CDH13: variants seen among roughly 807,000 people sequenced by gnomAD.
CDH13 encodes the protein cadherin-13.
Under a neutral mutation model 63.8 loss-of-function variants are expected in CDH13, and 24 were observed. The observed-to-expected ratio is 0.38, with a 90% CI of 0.27 to 0.53. CDH13 has a LOEUF of 0.53. Ranked by LOEUF, CDH13 falls within the 20% of genes least tolerant of loss-of-function variation. The pLI is 0.85. For synonymous variants in CDH13, 503 were observed against 355.3 expected (o/e 1.42, Z -4.67); for missense variants, 1,049 against 903.1 (o/e 1.16, Z -2.07).
intron 6 of CDH13, among the ~76,000 whole-genome samples, chr16:83,419,042 G>C (rs1401493286): frequency 6.6e-6 from 1 of 152,114 alleles, no homozygotes; most frequent in Non-Finnish European, 1.5e-5. Flanking sequence ...AAACAGCCAA[G>C]CAGCACTCTG....
chr16:83,334,357 TCTCTCA>T (rs1429605661), intron 5 of CDH13, among the ~76,000 whole-genome samples: 28 of 58,382 alleles, frequency 4.8e-4, no homozygotes, highest in Non-Finnish European at 4.5e-4. Context: ...TCTCTCTCTC[TCTCTCA>T]CACACACACA....
intron 4 of CDH13, among the ~76,000 whole-genome samples, chr16:83,143,645 C>G (rs1015156872): frequency 6.6e-6 from 1 of 152,106 alleles, no homozygotes; most frequent in Non-Finnish European, 1.5e-5. Context: ...ACCATCAAAA[C>G]AATTGTGTTA....
intron 2 of CDH13, among the ~76,000 whole-genome samples, chr16:82,987,440 G>T (rs1391382029): frequency 1.3e-5 from 2 of 152,088 alleles, no homozygotes; most frequent in African/African-American, 2.4e-5. Flanking sequence ...ACAGTGTCAC[G>T]ATCCTGGCTC....
intron 3 of CDH13, among the ~76,000 whole-genome samples, chr16:83,080,467 C>A (rs192864415): frequency 2.0e-5 from 3 of 152,216 alleles, no homozygotes; most frequent in African/African-American, 7.2e-5. Flanking sequence ...GCCTGACCTT[C>A]TTGGGAGCCA....
intron 7 of CDH13, among the ~76,000 whole-genome samples, chr16:83,572,175 GGTGTGTGTGTGTGTGTGTGT>G (rs71148844): frequency 6.9e-6 from 1 of 145,584 alleles, no homozygotes; most frequent in Non-Finnish European, 1.5e-5. Flanking sequence ...ACTTTCCTGT[GGTGTGTGTGTGTGTGTGTGT>G]GTGTGTGTGT....
At chr16:83,262,272 C>A (rs1202336636) in intron 5 of CDH13, among the ~76,000 whole-genome samples, 1 of 152,158 alleles carries the variant, frequency 6.6e-6, no homozygotes, top group Non-Finnish European at 1.5e-5. Context: ...AATGGGCCTC[C>A]ATGTCTCTGA....
intron 4 of CDH13, among the ~76,000 whole-genome samples, chr16:83,129,727 G>A (rs1037661664): frequency 2.0e-5 from 3 of 152,204 alleles, no homozygotes; most frequent in Non-Finnish European, 2.9e-5. Context: ...AGCCTGCTGA[G>A]GTTTGGAGGA....
chr16:83,010,151 A>AC (rs1200308062), intron 2 of CDH13, among the ~76,000 whole-genome samples: 1 of 148,806 alleles, frequency 6.7e-6, no homozygotes, highest in Non-Finnish European at 1.5e-5. Flanking sequence ...AAAAAAAAAA[A>AC]AAAAAAAAAA....
At chr16:83,704,900 A>G (rs1906779258) in intron 10 of CDH13, among the ~76,000 whole-genome samples, 1 of 152,276 alleles carries the variant, frequency 6.6e-6, no homozygotes, top group Admixed American at 6.5e-5. Flanking sequence ...AACACAGGGC[A>G]GAGGCCAGTG....
At chr16:82,862,658 T>G (rs559809188) in intron 2 of CDH13, among the ~76,000 whole-genome samples, 20 of 152,332 alleles carry the variant, frequency 1.3e-4, no homozygotes, top group African/African-American at 4.3e-4. Context: ...TCACAGCATC[T>G]GAATTTACCT....
intron 4 of CDH13, among the ~76,000 whole-genome samples, chr16:83,173,028 C>T (rs552607989): frequency 1.3e-5 from 2 of 152,198 alleles, no homozygotes; most frequent in East Asian, 1.9e-4. Context: ...TGTTACTAGC[C>T]CTTGCTGGGA....
intron 2 of CDH13, among the ~76,000 whole-genome samples, chr16:82,903,558 AC>A: frequency 6.6e-6 from 1 of 151,596 alleles, no homozygotes; most frequent in Non-Finnish European, 1.5e-5. Context: ...TAGGACTTGA[AC>A]CCTTTTTTCA....
chr16:83,579,605 T>C (rs1039909613), intron 7 of CDH13, among the ~76,000 whole-genome samples: 4 of 151,966 alleles, frequency 2.6e-5, no homozygotes, highest in Middle Eastern at 3.2e-3. Context: ...TCCTCCCACA[T>C]TGGGGATTAC....
chr16:83,519,723 A>C (rs747208923), intron 7 of CDH13, among the ~76,000 whole-genome samples: 2 of 152,194 alleles, frequency 1.3e-5, no homozygotes, highest in Non-Finnish European at 2.9e-5. Flanking sequence ...CTCTAGGGCA[A>C]TGGTGCGGGG....
chr16:83,565,383 C>CTTTTTTTTTTTTTTTTT (rs369127310), intron 7 of CDH13, among the ~76,000 whole-genome samples: 1 of 130,612 alleles, frequency 7.7e-6, no homozygotes. Flanking sequence ...TTCCACTGTT[C>CTTTTTTTTTTTTTTTTT]TTTTTTTTTT....
intron 2 of CDH13, among the ~76,000 whole-genome samples, chr16:82,952,217 A>C (rs142589076): frequency 2.0e-5 from 3 of 152,318 alleles, no homozygotes; most frequent in Non-Finnish European, 4.4e-5. Context: ...CGAGAAGCGC[A>C]TGGGCCTGAG....
intron 6 of CDH13, among the ~76,000 whole-genome samples, chr16:83,406,156 C>A (rs1284499336): frequency 1.3e-5 from 2 of 152,162 alleles, no homozygotes; most frequent in Non-Finnish European, 2.9e-5. Flanking sequence ...ATGCCCAGGC[C>A]CCTGTCTATG....
chr16:83,054,240 A>T (rs1312592626), intron 3 of CDH13, among the ~76,000 whole-genome samples: 1 of 152,248 alleles, frequency 6.6e-6, no homozygotes, highest in African/African-American at 2.4e-5. Context: ...GCATGACTAT[A>T]GTATGCTTTT....
chr16:83,213,533 A>G (rs904370381), intron 4 of CDH13, among the ~76,000 whole-genome samples: 3 of 152,130 alleles, frequency 2.0e-5, no homozygotes, highest in Non-Finnish European at 1.5e-5. Flanking sequence ...GGTCTTCACC[A>G]GCGGGGCCTG....
Sources: allele counts gnomAD v4.1 joint callset (sites outside exome capture counted in the v4.1 genomes callset), GRCh38; gene constraint gnomAD v4.1.1; transcripts MANE v1.5; gene names NCBI Gene and HGNC (gene_info 2026-07-23, HGNC 2026-07-21).